The following ADGRV1 variants were observed in gnomAD, a reference collection of about 807,000 sequenced individuals.
ADGRV1 encodes G-protein coupled receptor 98.
A neutral mutation model predicts 596.2 loss-of-function variants in ADGRV1; 359 were observed. That is an observed-to-expected ratio of 0.60 (90% CI 0.55 to 0.66). The LOEUF is 0.66. ADGRV1 is among the 30% of genes least tolerant of loss of function. The probability of loss-of-function intolerance (pLI) is 0.00; values close to 1 mark genes in which losing one functional copy is unlikely to be tolerated. For missense variants in ADGRV1, 7,274 were observed against 7,575.6 expected (o/e 0.96, Z 1.48); for synonymous variants, 2,681 against 2,679.2 (o/e 1.00, Z -0.02).
intron 21 of ADGRV1, among the ~76,000 whole-genome samples, chr5:90,668,482 G>C (rs988492359): frequency 6.6e-6 from 1 of 152,110 alleles, no homozygotes; most frequent in Non-Finnish European, 1.5e-5. Flanking sequence ...CGCATGGTGC[G>C]CGCACCCACT....
At chr5:90,882,744 A>G (rs966172338) in intron 83 of ADGRV1, among the ~76,000 whole-genome samples, 13 of 152,244 alleles carry the variant, frequency 8.5e-5, no homozygotes, top group Non-Finnish European at 1.0e-4. Context: ...AGGTAAAGGA[A>G]GATGAGAAAC....
intron 70 of ADGRV1, among the ~76,000 whole-genome samples, chr5:90,799,960 A>G (rs1341038734): frequency 6.6e-6 from 1 of 152,234 alleles, no homozygotes; most frequent in African/African-American, 2.4e-5. Context: ...AGTAAGACCC[A>G]AAACCATAAA....
chr5:90,763,257 C>CT, intron 58 of ADGRV1, 48 bp from the exon 59 acceptor site: 1 of 1,347,608 alleles, frequency 7.4e-7, no homozygotes, highest in Non-Finnish European at 9.9e-7. Flanking sequence ...TTATCCTGCT[C>CT]TTTTTGTTTT....
intron 84 of ADGRV1, among the ~76,000 whole-genome samples, chr5:90,977,786 T>A (rs980780493): frequency 2.0e-5 from 3 of 152,208 alleles, no homozygotes; most frequent in Non-Finnish European, 4.4e-5. Flanking sequence ...CTATCTATAT[T>A]TGACCTAAAT....
chr5:90,634,917 T>C (rs1036249075), intron 9 of ADGRV1, among the ~76,000 whole-genome samples, 197 bp from the exon 10 acceptor site: 1 of 151,854 alleles, frequency 6.6e-6, no homozygotes, highest in Non-Finnish European at 1.5e-5. Flanking sequence ...ATAATAACAA[T>C]TGAGGGGCAG....
intron 1 of ADGRV1, among the ~76,000 whole-genome samples, chr5:90,563,211 CCTGT>C (rs1384493621): frequency 6.6e-6 from 1 of 152,180 alleles, no homozygotes; most frequent in East Asian, 1.9e-4. Flanking sequence ...CACAAGGTCC[CCTGT>C]CTGTCTTCAG....
intron 87 of ADGRV1, among the ~76,000 whole-genome samples, chr5:91,137,282 T>C (rs552221014): frequency 6.6e-6 from 1 of 152,268 alleles, no homozygotes; most frequent in East Asian, 1.9e-4. Flanking sequence ...CATCACAAGA[T>C]GGGTGACACA....
chr5:91,097,752 T>C (rs1278465870), intron 86 of ADGRV1, among the ~76,000 whole-genome samples: 1 of 152,208 alleles, frequency 6.6e-6, no homozygotes, highest in Non-Finnish European at 1.5e-5. Flanking sequence ...TCTTGTTTTT[T>C]TGATAATAAT....
At chr5:91,161,057 A>C (rs1023915115) in intron 89 of ADGRV1, among the ~76,000 whole-genome samples, 1 of 152,198 alleles carries the variant, frequency 6.6e-6, no homozygotes, top group Non-Finnish European at 1.5e-5. Flanking sequence ...GAGTAGGCAG[A>C]CACTGAAATC....
At chr5:91,034,814 CCT>C (rs1157933131) in intron 85 of ADGRV1, among the ~76,000 whole-genome samples, 3 of 152,166 alleles carry the variant, frequency 2.0e-5, no homozygotes, top group Non-Finnish European at 4.4e-5. Flanking sequence ...TCTTTATCCC[CCT>C]GTTATGTTGC....
intron 85 of ADGRV1, among the ~76,000 whole-genome samples, chr5:91,013,229 A>G (rs999754842): frequency 6.6e-6 from 1 of 151,868 alleles, no homozygotes; most frequent in Admixed American, 6.6e-5. Context: ...TTCTATTCCT[A>G]TGGATATCAT....
In ADGRV1 at chr5:91,150,027, CA is replaced by C; in HGVS notation, c.18433-2del. On this transcript the variant is annotated splice_acceptor_variant, in intron 87 of 89. Coordinates refer to ENST00000405460, the MANE Select transcript of ADGRV1 (RefSeq NM_032119.4). LOFTEE classifies it high-confidence loss of function. Reference sequence around the variant, plus strand: ...TTCTTTTCTTTTTTTTTTTTTTTTGCAGGGACTTTATGTTTTCATGGTTTAT... The same window carrying C: ...TTCTTTTCTTTTTTTTTTTTTTTTGCGGGACTTTATGTTTTCATGGTTTAT... 1 of 1,209,382 alleles carries C rather than the reference CA, an allele frequency of 8.3e-7. No individual in the cohort carries two copies. Among genetic ancestry groups the C allele is most frequent in the Admixed American group, 4.6e-5 (1 of 21,516 alleles). 74.9% of individuals were successfully genotyped at this position (1,209,382 alleles called of 1,614,324 possible).
rs1581198667 is a variant in ADGRV1, at chr5:90,811,310, T to C, written c.16050T>C (p.Phe5350=). ...QIVEEKDDTG[F]AAFAMVIITG... ...TGGAGGAGAAGGATGATACTGGATTTGCAGCTTTTGCCATGGTTATTATTA... is the reference window on the plus strand; with the variant it reads ...TGGAGGAGAAGGATGATACTGGATTCGCAGCTTTTGCCATGGTTATTATTA... The change falls in exon 74 of 90, where the codon TTT becomes TTC. Residue 5350 remains phenylalanine (F), a synonymous_variant. Coordinates refer to ENST00000405460, the MANE Select transcript of ADGRV1 (RefSeq NM_032119.4). 6.2e-7 allele frequency: 1 copy of C among 1,607,824 alleles called. No individual in the cohort carries two copies.
intron 83 of ADGRV1, among the ~76,000 whole-genome samples, chr5:90,877,275 AATC>A (rs1769305403): frequency 6.6e-6 from 1 of 151,764 alleles, no homozygotes; most frequent in Non-Finnish European, 1.5e-5. Context: ...GTTTGCAAGG[AATC>A]TGGGTTGGTT....
chr5:90,691,314 C>CAT (rs34877452), intron 31 of ADGRV1, among the ~76,000 whole-genome samples: 21 of 149,026 alleles, frequency 1.4e-4, no homozygotes, highest in South Asian at 4.2e-4. Flanking sequence ...AGGTTAAATA[C>CAT]ATATATATAT....
intron 75 of ADGRV1, among the ~76,000 whole-genome samples, chr5:90,821,187 C>T (rs1581229256): frequency 1.3e-5 from 2 of 151,350 alleles, no homozygotes; most frequent in African/African-American, 4.9e-5. Flanking sequence ...TGCTGATACC[C>T]TTTCTTCCAG....
At chr5:91,107,617 G>A (rs1792007607) in intron 87 of ADGRV1, among the ~76,000 whole-genome samples, 1 of 152,130 alleles carries the variant, frequency 6.6e-6, no homozygotes, top group Admixed American at 6.5e-5. Flanking sequence ...TTCAAAGCAT[G>A]AGATAAAAAT....
At chr5:91,146,321 CCTT>C (rs2126872378) in intron 87 of ADGRV1, among the ~76,000 whole-genome samples, 1 of 152,196 alleles carries the variant, frequency 6.6e-6, no homozygotes, top group East Asian at 1.9e-4. Context: ...TACAGTAGAT[CCTT>C]TGTAGAGACC....
At chr5:90,635,545 C>A (rs1350579037) in intron 10 of ADGRV1, among the ~76,000 whole-genome samples, 1 of 151,884 alleles carries the variant, frequency 6.6e-6, no homozygotes, top group African/African-American at 2.4e-5. Flanking sequence ...TGACAGCTTT[C>A]AGATAGTTCT....
Sources: gnomAD v4.1 joint callset for allele counts (sites outside exome capture counted in the v4.1 genomes callset) on GRCh38, gnomAD v4.1.1 for gene constraint, MANE v1.5 for transcripts, NCBI Gene and HGNC (gene_info 2026-07-23, HGNC 2026-07-21) for gene names.